PLA2G10: variants seen among roughly 807,000 people sequenced by gnomAD.
PLA2G10 encodes phospholipase A2 group X, also known as group 10 secretory phospholipase A2.
A neutral mutation model predicts 7.9 loss-of-function variants in PLA2G10; 9 were observed. The observed-to-expected ratio is 1.14, with a 90% confidence interval of 0.68 to 1.98. The LOEUF (loss-of-function observed/expected upper bound fraction) is 1.98, where lower values mean the gene tolerates loss of function less well. PLA2G10 is among the 30% of genes most tolerant of loss of function. PLA2G10 has a pLI of 0.00. For synonymous variants in PLA2G10, 19 were observed against 27.5 expected (o/e 0.69, Z 0.97); for missense variants, 53 against 65.4 (o/e 0.81, Z 0.66).
At chr16:14,682,788 G>C (rs768869033) in intron 3 of PLA2G10, among the ~76,000 whole-genome samples, 13 of 152,092 alleles carry the variant, frequency 8.5e-5, no homozygotes, top group Non-Finnish European at 1.6e-4. Context: ...CTGTTTCTCA[G>C]CTGGGCATGG....
At chr16:14,675,568 A>G (rs1441240657) in intron 3 of PLA2G10, among the ~76,000 whole-genome samples, 2 of 152,174 alleles carry the variant, frequency 1.3e-5, no homozygotes, top group Non-Finnish European at 2.9e-5. Context: ...TTTGCAAACT[A>G]CATATCTGAC....
chr16:14,682,436 A>T (rs1960918630), intron 3 of PLA2G10, among the ~76,000 whole-genome samples: 1 of 152,074 alleles, frequency 6.6e-6, no homozygotes, highest in African/African-American at 2.4e-5. Context: ...TTAGCTGGGC[A>T]TGGTGGTGTG....
At chr16:14,686,700 A>G (rs901291489) in intron 3 of PLA2G10, among the ~76,000 whole-genome samples, 1 of 152,076 alleles carries the variant, frequency 6.6e-6, no homozygotes, top group African/African-American at 2.4e-5. Flanking sequence ...GGGTTTCACC[A>G]TTGAGGCTGC....
At chr16:14,673,078 G>T (rs1370253368) in intron 3 of PLA2G10, among the ~76,000 whole-genome samples, 1 of 147,202 alleles carries the variant, frequency 6.8e-6, no homozygotes, top group Non-Finnish European at 1.5e-5. Context: ...GGAGTGCAGT[G>T]GTATGATCTC....
intron 3 of PLA2G10, among the ~76,000 whole-genome samples, chr16:14,672,951 T>C: frequency 6.6e-6 from 1 of 151,796 alleles, no homozygotes; most frequent in East Asian, 1.9e-4. Context: ...AAGTTTCAAA[T>C]GGAGAGTCCA....
intron 3 of PLA2G10, among the ~76,000 whole-genome samples, chr16:14,680,094 T>C (rs1231374104): frequency 2.7e-5 from 4 of 147,590 alleles, no homozygotes; most frequent in Non-Finnish European, 4.5e-5. Flanking sequence ...CCTTTCTTTT[T>C]GCTTTTCTTT....
chr16:14,684,222 G>T (rs1264491407), intron 3 of PLA2G10, among the ~76,000 whole-genome samples: 1 of 151,286 alleles, frequency 6.6e-6, no homozygotes, highest in Non-Finnish European at 1.5e-5. Context: ...TTAGCCGGGC[G>T]TGGTGGTGCA....
chr16:14,673,859 A>G (rs1014035725), intron 3 of PLA2G10, among the ~76,000 whole-genome samples: 6 of 152,162 alleles, frequency 3.9e-5, no homozygotes, highest in African/African-American at 1.2e-4. Context: ...CACCACTTCT[A>G]TTCAGCAAAG....
intron 3 of PLA2G10, among the ~76,000 whole-genome samples, chr16:14,681,549 G>GAAT (rs1277673359): frequency 1.3e-5 from 2 of 151,906 alleles, no homozygotes; most frequent in African/African-American, 2.4e-5. Flanking sequence ...TTGAAAGGAA[G>GAAT]AATAGCTCCC....
At chr16:14,686,130 A>G (rs1961053334) in intron 3 of PLA2G10, among the ~76,000 whole-genome samples, 1 of 150,692 alleles carries the variant, frequency 6.6e-6, no homozygotes, top group African/African-American at 2.4e-5. Context: ...AGTAGCTGAG[A>G]CTGCAGGTGC....
chr16:14,683,524 C>T (rs1217394614), intron 3 of PLA2G10, among the ~76,000 whole-genome samples: 2 of 152,062 alleles, frequency 1.3e-5, no homozygotes, highest in African/African-American at 2.4e-5. Context: ...GTGTGAGCCA[C>T]CACTCCTGGC....
chr16:14,679,988 G>A (rs771308817), intron 3 of PLA2G10, among the ~76,000 whole-genome samples: 4 of 151,964 alleles, frequency 2.6e-5, no homozygotes, highest in Admixed American at 6.6e-5. Flanking sequence ...TATGATATAC[G>A]TGACCTCTTT....
chr16:14,687,500 TA>T (rs1438384582), intron 3 of PLA2G10, among the ~76,000 whole-genome samples: 21 of 151,990 alleles, frequency 1.4e-4, no homozygotes, highest in South Asian at 2.1e-4. Context: ...TGGCCAATGT[TA>T]AAAAAATCCT....
Position 14,685,654 on chromosome 16 carries a change from C to T in PLA2G10, c.355+2511G>A, listed in dbSNP as rs1260398743. 2.0e-5 allele frequency among the ~76,000 whole-genome samples: 3 copies of T among 152,190 alleles called. No individual in the cohort carries two copies. The South Asian group carries it at 6.2e-4, about 32-fold the overall frequency. ...ATACTAAGTATCACTGAATTATACA[C>T]TTTAACATAGTTAATTTTGTGTTAT... On this transcript the variant is annotated intron_variant, in intron 3 of 3. Transcript: ENST00000438167.
chr16:14,686,469 A>G (rs753113264), intron 3 of PLA2G10, among the ~76,000 whole-genome samples: 2 of 151,886 alleles, frequency 1.3e-5, no homozygotes, highest in Non-Finnish European at 2.9e-5. Flanking sequence ...TTGAAGGGAA[A>G]CTATAAATGG....
At chr16:14,683,738 G>A (rs564468877) in intron 3 of PLA2G10, among the ~76,000 whole-genome samples, 2 of 152,048 alleles carry the variant, frequency 1.3e-5, no homozygotes, top group African/African-American at 4.8e-5. Flanking sequence ...AAACTTAACG[G>A]TAAATATTTA....
chr16:14,678,616 A>G (rs926616751), intron 3 of PLA2G10: 1 of 295,094 alleles, frequency 3.4e-6, no homozygotes, highest in Non-Finnish European at 6.8e-6. Context: ...CTAAAAGTAC[A>G]TAAATTAGCA....
intron 3 of PLA2G10, among the ~76,000 whole-genome samples, chr16:14,678,974 G>A (rs1405178508): frequency 1.3e-5 from 2 of 151,948 alleles, no homozygotes; most frequent in East Asian, 3.9e-4. Context: ...AGACACTTGT[G>A]CGTACCCCAG....
intron 3 of PLA2G10, among the ~76,000 whole-genome samples, chr16:14,679,153 C>T (rs1295618294): frequency 1.3e-5 from 2 of 152,182 alleles, no homozygotes; most frequent in African/African-American, 4.8e-5. Flanking sequence ...AAAATTCTCA[C>T]AACCTAAAAT....
Sources: allele counts gnomAD v4.1 joint callset (sites outside exome capture counted in the v4.1 genomes callset), GRCh38; gene constraint gnomAD v4.1.1; transcripts MANE v1.5; gene names NCBI Gene and HGNC (gene_info 2026-07-23, HGNC 2026-07-21).